NBEA: variants seen among roughly 807,000 people sequenced by gnomAD.
NBEA encodes the protein lysosomal-trafficking regulator 2.
In NBEA, 44 loss-of-function variants were observed where a neutral mutation model predicts 343.4. That is an observed-to-expected ratio of 0.13 (90% CI 0.10 to 0.16). The LOEUF is 0.16. Ranked by LOEUF, NBEA falls within the 10% of genes least tolerant of loss-of-function variation. The pLI, the probability that NBEA is intolerant of heterozygous loss-of-function variation, is 1.00. For synonymous variants in NBEA, 1,175 were observed against 1,238.7 expected (o/e 0.95, Z 1.08); for missense variants, 2,555 against 3,631.3 (o/e 0.70, Z 7.62).
intron 1 of NBEA, among the ~76,000 whole-genome samples, chr13:35,022,682 A>G (rs2061888722): frequency 6.6e-6 from 1 of 152,082 alleles, no homozygotes; most frequent in African/African-American, 2.4e-5. Context: ...TCTGGTATTC[A>G]TATATTTATT....
intron 35 of NBEA, among the ~76,000 whole-genome samples, chr13:35,292,667 T>A (rs1017142331): frequency 6.6e-6 from 1 of 152,014 alleles, no homozygotes; most frequent in African/African-American, 2.4e-5. Flanking sequence ...GTATTAATAC[T>A]AATAAAAATA....
intron 18 of NBEA, among the ~76,000 whole-genome samples, chr13:35,142,693 C>T (rs1449530778): frequency 1.3e-5 from 2 of 152,130 alleles, no homozygotes; most frequent in Non-Finnish European, 2.9e-5. Flanking sequence ...TCCCCATCCC[C>T]ACCCCTCTGT....
At chr13:35,301,837 G>T (rs925691604) in intron 35 of NBEA, among the ~76,000 whole-genome samples, 1 of 151,982 alleles carries the variant, frequency 6.6e-6, no homozygotes, top group Non-Finnish European at 1.5e-5. Context: ...CTGCATCCTC[G>T]CCAGCATCTG....
chr13:34,959,205 T>C (rs1262299268), intron 1 of NBEA, among the ~76,000 whole-genome samples: 1 of 152,156 alleles, frequency 6.6e-6, no homozygotes, highest in African/African-American at 2.4e-5. Flanking sequence ...AAATGTTACT[T>C]TTCATATTGT....
intron 1 of NBEA, among the ~76,000 whole-genome samples, chr13:35,038,496 C>CAGA (rs1566194657): frequency 6.6e-6 from 1 of 152,094 alleles, no homozygotes; most frequent in African/African-American, 2.4e-5. Flanking sequence ...CAACAAGTCT[C>CAGA]AGAAACTCAC....
At chr13:35,600,839 T>C (rs1462108586) in intron 47 of NBEA, among the ~76,000 whole-genome samples, 1 of 152,086 alleles carries the variant, frequency 6.6e-6, no homozygotes, top group Non-Finnish European at 1.5e-5. Context: ...GCTTCCCCCT[T>C]TATCTTCAAC....
chr13:34,996,678 GA>G (rs776180262), intron 1 of NBEA, among the ~76,000 whole-genome samples: 1 of 151,938 alleles, frequency 6.6e-6, no homozygotes, highest in Non-Finnish European at 1.5e-5. Flanking sequence ...CATGTGAATG[GA>G]AAAGGAAACA....
chr13:35,238,683 T>C lies in NBEA; in HGVS notation c.5776+6064T>C, dbSNP rs114704465. On this transcript the variant is annotated intron_variant, in intron 34 of 58. Transcript: ENST00000379939. Reference sequence around the variant, plus strand: ...TAGAGGTGTCTGAGATACATGAGGCTCTCCCTTTTAGGCTCTATATACAAG... The same window carrying C: ...TAGAGGTGTCTGAGATACATGAGGCCCTCCCTTTTAGGCTCTATATACAAG... Among the ~76,000 whole-genome samples, 229 of 152,236 alleles carry C rather than the reference T, an allele frequency of 1.5e-3. 1 individual carries two copies. The highest frequency in any genetic ancestry group is 5.4e-3 in the African/African-American group (223 of 41,546).
At chr13:35,187,066 ATTT>A (rs1317003571) in intron 30 of NBEA, among the ~76,000 whole-genome samples, 1 of 152,096 alleles carries the variant, frequency 6.6e-6, no homozygotes, top group Non-Finnish European at 1.5e-5. Context: ...TAGTTTTAAA[ATTT>A]TTTATTTTTT....
chr13:35,339,579 T>C (rs966495992), intron 36 of NBEA, among the ~76,000 whole-genome samples: 1 of 152,030 alleles, frequency 6.6e-6, no homozygotes, highest in African/African-American at 2.4e-5. Flanking sequence ...GACTGGATAA[T>C]TTATAAAGAA....
intron 51 of NBEA, among the ~76,000 whole-genome samples, chr13:35,648,219 A>G (rs1226386581): frequency 7.2e-6 from 1 of 139,472 alleles, no homozygotes; most frequent in Non-Finnish European, 1.5e-5. Context: ...CCTTCCTTCA[A>G]CAGCTCAGCC....
At chr13:35,066,819 G>A (rs1020777214) in intron 8 of NBEA, among the ~76,000 whole-genome samples, 16 of 151,484 alleles carry the variant, frequency 1.1e-4, no homozygotes, top group African/African-American at 3.4e-4. Flanking sequence ...TTTTTTGTTA[G>A]CTATGTGTCT....
chr13:35,010,737 AAAAAATAT>A (rs1717728638), intron 1 of NBEA, among the ~76,000 whole-genome samples: 1 of 25,624 alleles, frequency 3.9e-5, no homozygotes, highest in Admixed American at 5.9e-4. Flanking sequence ...AAAAAAAAAA[AAAAAATAT>A]ATATATATAT....
chr13:35,365,001 CTATT>C (rs1443210121), intron 38 of NBEA, among the ~76,000 whole-genome samples: 3 of 151,684 alleles, frequency 2.0e-5, no homozygotes, highest in Non-Finnish European at 3.0e-5. Context: ...GTAAGAGTAA[CTATT>C]TAAAAGCACT....
chr13:35,157,999 G>A (rs748654241), intron 21 of NBEA, among the ~76,000 whole-genome samples: 1 of 152,150 alleles, frequency 6.6e-6, no homozygotes, highest in Non-Finnish European at 1.5e-5. Flanking sequence ...TATAGGCTGT[G>A]TGGGCTCTAT....
At chr13:35,481,245 T>A (rs1194846592) in intron 41 of NBEA, among the ~76,000 whole-genome samples, 1 of 151,892 alleles carries the variant, frequency 6.6e-6, no homozygotes, top group Admixed American at 6.6e-5. Context: ...AATTTTGAGA[T>A]TAAAAATGGA....
chr13:35,045,477 A>G, intron 4 of NBEA, 76 bp downstream of exon 4: 7 of 1,161,554 alleles, frequency 6.0e-6, no homozygotes, highest in Non-Finnish European at 8.5e-6. Flanking sequence ...ACTTACATAT[A>G]ATAAAATTTA....
chr13:35,444,321 TA>T lies in NBEA; in HGVS notation c.6305-7770del, dbSNP rs949315822. ...GAAATTAAACAGCACCATTTAGAGTTACTAAAAGCACTGGTCTGAAAAGGTA... is the reference window on the plus strand; with the variant it reads ...GAAATTAAACAGCACCATTTAGAGTTCTAAAAGCACTGGTCTGAAAAGGTA... On this transcript the variant is annotated intron_variant, in intron 39 of 58. Transcript: ENST00000379939. Among the ~76,000 whole-genome samples, 3 of 152,052 alleles carry T rather than the reference TA, an allele frequency of 2.0e-5. No individual in the cohort carries two copies. The South Asian group carries it at 6.2e-4, about 31-fold the overall frequency.
chr13:35,159,961 A>G lies in NBEA; in HGVS notation c.3790A>G (p.Thr1264Ala). The G allele has an allele frequency of 6.3e-7, 1 of 1,595,504 alleles. No homozygotes were observed. The highest frequency in any genetic ancestry group is 8.5e-7 in the Non-Finnish European group (1 of 1,170,418). ...NIDAGSIISD[T>A]ERSDDGKESG... ...TGATGCAGGAAGTATAATTTCAGAT[A>G]CTGAAAGGTCTGACGATGGCAAAGA... Residue 1264 changes from threonine (T) to alanine (A), a missense_variant, in exon 22 of 59, where the codon ACT becomes GCT. This residue lies in a region of NBEA where 367 missense variants were observed against 377.5 expected (regional missense o/e 0.97). Transcript: ENST00000379939.
Sources: gnomAD v4.1 joint callset for allele counts (sites outside exome capture counted in the v4.1 genomes callset) on GRCh38, gnomAD v4.1.1 for gene constraint, gnomAD v4.1.1 regional missense constraint, MANE v1.5 for transcripts, NCBI Gene and HGNC (gene_info 2026-07-23, HGNC 2026-07-21) for gene names.